The following CTNNA3 variants were observed in gnomAD, a reference collection of about 807,000 sequenced individuals.
CTNNA3 encodes the protein catenin alpha 3.
In CTNNA3, 76 loss-of-function variants were observed where a neutral mutation model predicts 95.7. The observed-to-expected ratio is 0.79, with a 90% confidence interval of 0.66 to 0.96. The LOEUF (loss-of-function observed/expected upper bound fraction) is 0.96. Ranked by LOEUF, CTNNA3 falls within the 40% of genes least tolerant of loss-of-function variation. CTNNA3 has a pLI of 0.00. For synonymous variants in CTNNA3, 431 were observed against 374.4 expected, an observed-to-expected ratio of 1.15 and a Z score of -1.74; for missense variants, 1,191 against 1,089.8, an observed-to-expected ratio of 1.09 and a Z score of -1.31.
At chr10:67,398,435 C>T (rs1443049417) in intron 5 of CTNNA3, among the ~76,000 whole-genome samples, 1 of 152,110 alleles carries the variant, frequency 6.6e-6, no homozygotes, top group African/African-American at 2.4e-5. Context: ...ACACCTGTAC[C>T]CCCATTTTAC....
chr10:66,071,081 G>A (rs1446546192), intron 14 of CTNNA3, among the ~76,000 whole-genome samples: 4 of 152,036 alleles, frequency 2.6e-5, no homozygotes, highest in African/African-American at 9.7e-5. Flanking sequence ...TTTCAACCAC[G>A]CTGAAAATTC....
intron 11 of CTNNA3, among the ~76,000 whole-genome samples, chr10:66,396,250 G>A (rs1166659919): frequency 1.3e-5 from 2 of 151,868 alleles, no homozygotes; most frequent in Non-Finnish European, 2.9e-5. Context: ...ATATGCAGGA[G>A]CCAAAATCTT....
chr10:67,478,845 TAA>T (rs143794060), intron 5 of CTNNA3, among the ~76,000 whole-genome samples: 3 of 139,612 alleles, frequency 2.1e-5, no homozygotes, highest in Non-Finnish European at 1.6e-5. Flanking sequence ...CAAGTTGAAT[TAA>T]AAAAAAAAAA....
chr10:67,374,565 T>C (rs1332360472), intron 5 of CTNNA3, among the ~76,000 whole-genome samples: 1 of 152,226 alleles, frequency 6.6e-6, no homozygotes, highest in Non-Finnish European at 1.5e-5. Flanking sequence ...GTATCTCTAA[T>C]GAGACTTTTT....
At chr10:66,805,444 G>T (rs977834228) in intron 7 of CTNNA3, among the ~76,000 whole-genome samples, 1 of 149,748 alleles carries the variant, frequency 6.7e-6, no homozygotes, top group African/African-American at 2.4e-5. Context: ...ATGTGTTCAT[G>T]ATTTTTTCAC....
At chr10:66,691,277 G>A (rs1045547623) in intron 9 of CTNNA3, among the ~76,000 whole-genome samples, 1 of 152,138 alleles carries the variant, frequency 6.6e-6, no homozygotes, top group Non-Finnish European at 1.5e-5. Flanking sequence ...TTTTCTGATG[G>A]GCTTAAAAAA....
intron 5 of CTNNA3, among the ~76,000 whole-genome samples, chr10:67,460,147 T>C (rs187965093): frequency 5.3e-5 from 8 of 152,284 alleles, no homozygotes; most frequent in Admixed American, 3.3e-4. Context: ...GTTTATATAC[T>C]TAACACTGTC....
intron 5 of CTNNA3, among the ~76,000 whole-genome samples, chr10:67,438,714 CAG>C (rs973774253): frequency 3.3e-5 from 5 of 152,134 alleles, no homozygotes; most frequent in Non-Finnish European, 2.9e-5. Context: ...CCATCTGGCA[CAG>C]AGAGAGAATC....
intron 5 of CTNNA3, among the ~76,000 whole-genome samples, chr10:67,403,633 C>T (rs1334076763): frequency 1.3e-5 from 2 of 152,162 alleles, no homozygotes; most frequent in African/African-American, 4.8e-5. Flanking sequence ...CCCAGTCCAA[C>T]CTGTGGGCCT....
intron 11 of CTNNA3, among the ~76,000 whole-genome samples, chr10:66,390,732 A>C (rs2092927714): frequency 6.6e-6 from 1 of 152,248 alleles, no homozygotes; most frequent in African/African-American, 2.4e-5. Context: ...ATTGTTGCTT[A>C]TCTATGTACT....
chr10:66,224,229 C>A (rs1229662845), intron 13 of CTNNA3, among the ~76,000 whole-genome samples: 2 of 152,002 alleles, frequency 1.3e-5, no homozygotes, highest in African/African-American at 2.4e-5. Context: ...AAGCCAATTT[C>A]TCTTAATAAA....
chr10:66,077,848 A>G (rs1283423535), intron 14 of CTNNA3, among the ~76,000 whole-genome samples: 1 of 151,634 alleles, frequency 6.6e-6, no homozygotes, highest in Non-Finnish European at 1.5e-5. Flanking sequence ...AAGCCTTTAT[A>G]CTCTTTCCTC....
chr10:67,344,988 A>T (rs1842357413), intron 5 of CTNNA3, among the ~76,000 whole-genome samples: 1 of 151,784 alleles, frequency 6.6e-6, no homozygotes, highest in African/African-American at 2.4e-5. Context: ...ATAGATATAA[A>T]CTTCCCTCCT....
At chr10:66,445,895 T>G (rs866140348) in intron 11 of CTNNA3, among the ~76,000 whole-genome samples, 1 of 152,098 alleles carries the variant, frequency 6.6e-6, no homozygotes, top group Non-Finnish European at 1.5e-5. Flanking sequence ...GCTGGTTTTT[T>G]GAAAAGATCA....
intron 5 of CTNNA3, among the ~76,000 whole-genome samples, chr10:67,377,633 A>T (rs1589230966): frequency 5.7e-5 from 1 of 17,682 alleles, no homozygotes; most frequent in African/African-American, 1.3e-4. Flanking sequence ...AGCTTATTTT[A>T]AAAAAAATTT....
At chr10:66,978,654 A>G (rs1011860703) in intron 7 of CTNNA3, among the ~76,000 whole-genome samples, 6 of 149,058 alleles carry the variant, frequency 4.0e-5, no homozygotes, top group Admixed American at 2.7e-4. Flanking sequence ...AGAAAAAAAC[A>G]GAGCTGAAAG....
rs115052883 is a variant in CTNNA3 at position 65,941,276 on chromosome 10, T to C, written c.2401-20659A>G. Among the ~76,000 whole-genome samples the C allele has an allele frequency of 2.7e-3, 412 of 152,300 alleles. 4 individuals are homozygous for C. The highest frequency in any genetic ancestry group is 9.5e-3 in the African/African-American group (395 of 41,558). On this transcript the variant is annotated intron_variant, in intron 17 of 17. Transcript: ENST00000433211. The stretch of plus-strand genomic sequence containing the variant: ...AAGAGCAGGATCTGCAGCCAGGCAG[T>C]CTGGGTCCATGGTCCATGTTCTTAC...
chr10:66,513,435 G>T (rs764926484), intron 11 of CTNNA3, among the ~76,000 whole-genome samples: 3 of 152,154 alleles, frequency 2.0e-5, no homozygotes, highest in Non-Finnish European at 4.4e-5. Context: ...GCTGTGATGT[G>T]ACTTTACTGG....
chr10:67,707,372 T>G (rs1841084173), intron 1 of CTNNA3, among the ~76,000 whole-genome samples: 1 of 152,152 alleles, frequency 6.6e-6, no homozygotes, highest in Non-Finnish European at 1.5e-5. Context: ...TCTAATATAC[T>G]GACTCCAGAT....
Sources: allele counts gnomAD v4.1 joint callset (sites outside exome capture counted in the v4.1 genomes callset), GRCh38; gene constraint gnomAD v4.1.1; transcripts MANE v1.5; gene names NCBI Gene and HGNC (gene_info 2026-07-23, HGNC 2026-07-21).